The following KCNIP1 variants were observed in gnomAD, a reference collection of about 807,000 sequenced individuals.
KCNIP1 encodes the protein potassium voltage-gated channel interacting protein 1.
KCNIP1 carries 18 observed loss-of-function variants against 33.0 expected under a neutral mutation model. The observed-to-expected ratio is 0.55, with a 90% confidence interval of 0.38 to 0.81. The LOEUF is 0.81. Among genes scored for constraint, KCNIP1 ranks in the 30% least tolerant of loss-of-function variants. KCNIP1 has a pLI of 0.00. For synonymous variants in KCNIP1, 93 were observed against 98.3 expected, an observed-to-expected ratio of 0.95 and a Z score of 0.32; for missense variants, 238 against 271.6, an observed-to-expected ratio of 0.88 and a Z score of 0.87.
At chr5:170,623,210 CTT>C (rs59210675) in intron 1 of KCNIP1, among the ~76,000 whole-genome samples, 1 of 148,044 alleles carries the variant, frequency 6.8e-6, no homozygotes, top group African/African-American at 2.5e-5. Flanking sequence ...CGACCCCTGT[CTT>C]TTTTTTTTTC....
At chr5:170,418,337 A>G (rs1158328106) in intron 1 of KCNIP1, among the ~76,000 whole-genome samples, 1 of 152,214 alleles carries the variant, frequency 6.6e-6, no homozygotes, top group African/African-American at 2.4e-5. Flanking sequence ...AGGCTGAGGC[A>G]GGAAAATTGC....
At chr5:170,483,151 T>C (rs1757012996) in intron 1 of KCNIP1, 2 of 435,426 alleles carry the variant, frequency 4.6e-6, no homozygotes, top group African/African-American at 2.1e-5. Context: ...GGTATTTCCA[T>C]GGAGCTCACT....
chr5:170,615,073 G>A (rs1759315788), intron 1 of KCNIP1, among the ~76,000 whole-genome samples: 1 of 152,180 alleles, frequency 6.6e-6, no homozygotes, highest in East Asian at 1.9e-4. Flanking sequence ...AAAATAGCTG[G>A]GCGTGGTGGT....
At chr5:170,357,129 C>T (rs1393467229) in intron 1 of KCNIP1, among the ~76,000 whole-genome samples, 1 of 141,046 alleles carries the variant, frequency 7.1e-6, no homozygotes, top group Non-Finnish European at 1.5e-5. Flanking sequence ...ATCTCTTTGG[C>T]ATTAAAAAAA....
At chr5:170,383,314 A>C (rs1353132180) in intron 1 of KCNIP1, 54 of 542,134 alleles carry the variant, frequency 1.0e-4, no homozygotes, top group Non-Finnish European at 6.3e-5. Flanking sequence ...AACACTAATC[A>C]CTGCTTTTGT....
intron 1 of KCNIP1, among the ~76,000 whole-genome samples, chr5:170,372,717 T>C (rs314147): frequency 0.011 from 1,623 of 152,250 alleles, 37 homozygotes; most frequent in African/African-American, 0.037. Flanking sequence ...TACTGGCACT[T>C]GGAGAACAAG....
At chr5:170,658,507 G>T (rs1177903159) in intron 1 of KCNIP1, among the ~76,000 whole-genome samples, 1 of 152,150 alleles carries the variant, frequency 6.6e-6, no homozygotes, top group Non-Finnish European at 1.5e-5. Context: ...AGTTTTTGAG[G>T]GGAAAAGTAT....
At chr5:170,427,121 C>T (rs1294167351) in intron 1 of KCNIP1, among the ~76,000 whole-genome samples, 1 of 152,238 alleles carries the variant, frequency 6.6e-6, no homozygotes, top group East Asian at 1.9e-4. Flanking sequence ...AGAGTCATGG[C>T]CTCCCAGAGC....
In KCNIP1 at chr5:170,586,544, C is replaced by T. The variant is rs536424148; in HGVS notation, c.61+81911C>T. Reference sequence around the variant, plus strand: ...GCAACAGGAAACTCACACACCCTGCCGGGTCCATGCCACATTGTTCTGTGT... The same window carrying T: ...GCAACAGGAAACTCACACACCCTGCTGGGTCCATGCCACATTGTTCTGTGT... On this transcript the variant is annotated intron_variant, in intron 1 of 7. Coordinates refer to ENST00000328939, the MANE Select transcript of KCNIP1 (RefSeq NM_014592.4). Among the ~76,000 whole-genome samples, 31 of 152,306 alleles carry T rather than the reference C, an allele frequency of 2.0e-4. 2 individuals carry two copies. The highest frequency in any genetic ancestry group is 1.6e-3 in the Admixed American group (25 of 15,306).
chr5:170,599,574 C>A (rs996766363), intron 1 of KCNIP1, among the ~76,000 whole-genome samples: 2 of 152,034 alleles, frequency 1.3e-5, no homozygotes, highest in Non-Finnish European at 2.9e-5. Context: ...GGTGCCCTCC[C>A]ACCCCGAGAT....
chr5:170,505,139 CA>C (rs1477649856), intron 1 of KCNIP1, among the ~76,000 whole-genome samples: 1 of 152,160 alleles, frequency 6.6e-6, no homozygotes, highest in Non-Finnish European at 1.5e-5. Context: ...CAGCTGCTGC[CA>C]GGGGTAAAAC....
intron 1 of KCNIP1, among the ~76,000 whole-genome samples, chr5:170,574,536 A>G (rs1000627014): frequency 6.6e-6 from 1 of 152,240 alleles, no homozygotes; most frequent in Non-Finnish European, 1.5e-5. Context: ...AATTACAGAT[A>G]TGGCAGGCTC....
rs902813561 is a variant in KCNIP1 at position 170,703,712 on chromosome 5, C to T, written c.62-15046C>T. Among the ~76,000 whole-genome samples the T allele has an allele frequency of 5.8e-5, 8 of 137,846 alleles. 3 individuals are homozygous for T. The South Asian group carries it at 1.3e-3, about 23-fold the overall frequency. The allele number at this position is 137,846 out of a possible 152,430, so 90.4% of individuals were successfully genotyped here. On this transcript the variant is annotated intron_variant, in intron 1 of 7. Coordinates refer to ENST00000328939, the MANE Select transcript of KCNIP1 (RefSeq NM_014592.4). ...TAAACTGTCAGATTACAAAGTTACC[C>T]GCTAAATTAGCCAAATACTTTCCAG...
intron 1 of KCNIP1, among the ~76,000 whole-genome samples, chr5:170,538,141 A>G (rs1304451929): frequency 6.6e-6 from 1 of 152,170 alleles, no homozygotes; most frequent in Admixed American, 6.5e-5. Context: ...GCCAGAGCTA[A>G]GCCTAGAGCC....
chr5:170,592,091 A>T (rs1333086100), intron 1 of KCNIP1, among the ~76,000 whole-genome samples: 1 of 152,162 alleles, frequency 6.6e-6, no homozygotes, highest in Non-Finnish European at 1.5e-5. Context: ...CAATTTCTCC[A>T]TATCCTCACC....
chr5:170,683,088 T>C (rs1372988867), intron 1 of KCNIP1, among the ~76,000 whole-genome samples: 1 of 152,228 alleles, frequency 6.6e-6, no homozygotes, highest in Non-Finnish European at 1.5e-5. Flanking sequence ...TCATCTAATG[T>C]TATAGCAATG....
At chr5:170,500,484 AC>A (rs67302166), upstream of KCNIP1, among the ~76,000 whole-genome samples, 3,067 of 152,266 alleles carry the variant, frequency 0.02, 122 homozygotes, top group African/African-American at 0.069. Context: ...GGACAACAGG[AC>A]AAATGGCTCC....
intron 1 of KCNIP1, among the ~76,000 whole-genome samples, chr5:170,407,515 A>C (rs1755068328): frequency 6.6e-6 from 1 of 152,252 alleles, no homozygotes; most frequent in Admixed American, 6.5e-5. Context: ...CTTGAACACA[A>C]AGACTATTAT....
chr5:170,414,550 C>A (rs753303062), intron 1 of KCNIP1, among the ~76,000 whole-genome samples: 9 of 152,324 alleles, frequency 5.9e-5, no homozygotes, highest in Non-Finnish European at 8.8e-5. Flanking sequence ...CTTTTTCCAC[C>A]ACGTGGCTGC....
Sources: allele counts gnomAD v4.1 joint callset (sites outside exome capture counted in the v4.1 genomes callset), GRCh38; gene constraint gnomAD v4.1.1; transcripts MANE v1.5; gene names NCBI Gene and HGNC (gene_info 2026-07-23, HGNC 2026-07-21).